The following ITIH2 variants were observed in gnomAD, a reference collection of about 807,000 sequenced individuals.
The protein encoded by ITIH2 is inter-alpha-trypsin inhibitor heavy chain 2.
In ITIH2, 103 loss-of-function variants were observed where a neutral mutation model predicts 104.4. That is an observed-to-expected ratio of 0.99 (90% CI 0.84 to 1.16). The LOEUF (loss-of-function observed/expected upper bound fraction) is 1.16, where lower values mean the gene tolerates loss of function less well. Ranked by LOEUF, ITIH2 falls within the 50% of genes most tolerant of loss-of-function variation. ITIH2 has a pLI of 0.00. For synonymous variants in ITIH2, 436 were observed against 435.4 expected (o/e 1.00, Z -0.02); for missense variants, 1,108 against 1,162.4 (o/e 0.95, Z 0.68).
chr10:7,743,123 C>T (rs775411093), intron 16 of ITIH2, 23 bp from the exon 17 acceptor site: 13 of 1,080,100 alleles, frequency 1.2e-5, no homozygotes, highest in South Asian at 4.3e-5. Context: ...ATTTTGTTTA[C>T]GTTTTCTTTG....
At chr10:7,721,974 G>A (rs1588454482) in intron 8 of ITIH2, among the ~76,000 whole-genome samples, 197 bp downstream of exon 8, 1 of 151,978 alleles carries the variant, frequency 6.6e-6, no homozygotes, top group East Asian at 1.9e-4. Context: ...AAATGAATAG[G>A]GTCTCATGCT....
rs1234015036 is a variant in ITIH2 at position 7,715,381 on chromosome 10, A to G, written c.467+2096A>G. ...GGTTGCAGTGAGTCGACATTGTGCCACTGCATTCCAGCCTGGTGACAGAGC... is the reference window on the plus strand; with the variant it reads ...GGTTGCAGTGAGTCGACATTGTGCCGCTGCATTCCAGCCTGGTGACAGAGC... On this transcript the variant is annotated intron_variant, in intron 5 of 20. Coordinates refer to ENST00000358415, the MANE Select transcript of ITIH2 (RefSeq NM_002216.3). 3.3e-5 allele frequency among the ~76,000 whole-genome samples: 5 copies of G among 152,230 alleles called. No homozygotes were observed. The East Asian group carries it at 9.7e-4, about 29-fold the overall frequency.
chr10:7,703,370 T>C lies in ITIH2; in HGVS notation c.-65T>C, dbSNP rs1400704039. 4.7e-6 allele frequency: 5 copies of C among 1,067,182 alleles called. No individual in the cohort carries two copies. Among genetic ancestry groups the C allele is most frequent in the African/African-American group, 3.1e-5 (2 of 63,976 alleles). The allele number at this position is 1,067,182 out of a possible 1,614,324, so 66.1% of individuals were successfully genotyped here. A position where few individuals can be genotyped will look rare whatever the true frequency, so the allele number is the denominator to read the frequency against. On this transcript the variant is annotated 5_prime_UTR_variant, in exon 1 of 21. Transcript: ENST00000358415. The stretch of plus-strand genomic sequence containing the variant: ...TGCTGTTCCTTTGAACTTGGTTCAG[T>C]AGGAAGAAGTGATATCCTCCCCAGA...
At chr10:7,743,420 C>G (rs1835145764) in intron 17 of ITIH2, among the ~76,000 whole-genome samples, 161 bp downstream of exon 17, 1 of 151,900 alleles carries the variant, frequency 6.6e-6, no homozygotes, top group African/African-American at 2.4e-5. Context: ...TATTTTGAAC[C>G]ATTATAGTTC....
intron 4 of ITIH2, 100 bp downstream of exon 4, chr10:7,709,291 A>C (rs1834774987): frequency 9.4e-7 from 1 of 1,068,446 alleles, no homozygotes; most frequent in African/African-American, 1.6e-5. Flanking sequence ...ACTGTCCCAG[A>C]GGACCGGCTG....
At chr10:7,727,935 A>G (rs1834967020) in intron 11 of ITIH2, 107 bp downstream of exon 11, 64 of 1,273,982 alleles carry the variant, frequency 5.0e-5, no homozygotes, top group Non-Finnish European at 6.8e-5. Context: ...GAGTTTCTAG[A>G]ACATTTTAAA....
intron 15 of ITIH2, among the ~76,000 whole-genome samples, chr10:7,736,440 G>C (rs1434265111): frequency 6.6e-6 from 1 of 151,972 alleles, no homozygotes; most frequent in Non-Finnish European, 1.5e-5. Flanking sequence ...TTGCCCAGCA[G>C]AACTATATCC....
Position 7,717,712 on chromosome 10 carries a change from A to G in ITIH2, c.554A>G (p.Glu185Gly). 6.2e-7 allele frequency: 1 copy of G among 1,613,146 alleles called. No homozygotes were observed. The highest frequency in any genetic ancestry group is 8.5e-7 in the Non-Finnish European group (1 of 1,179,610). ...GTGCAGTTCGAACTTCACTACCAGG[A>G]GGTGAAGTGGAGGAAGCTGGGCTCC... ...AKVQFELHYQ[E>G]VKWRKLGSYE... Residue 185 changes from glutamate to glycine, a missense_variant, in exon 6 of 21, where the codon GAG becomes GGG. Glu to Gly is a moderately conservative substitution (Grantham distance 98, BLOSUM62 -2). Coordinates refer to ENST00000358415, the MANE Select transcript of ITIH2 (RefSeq NM_002216.3).
intron 15 of ITIH2, among the ~76,000 whole-genome samples, chr10:7,735,674 C>CTTTTTT (rs35122608): frequency 1.3e-4 from 17 of 130,536 alleles, no homozygotes; most frequent in African/African-American, 2.4e-4. Flanking sequence ...CTTTTCTTTT[C>CTTTTTT]TTTTTTTTTT....
At chr10:7,711,708 G>A (rs1834798361) in intron 4 of ITIH2, among the ~76,000 whole-genome samples, 1 of 152,136 alleles carries the variant, frequency 6.6e-6, no homozygotes, top group Admixed American at 6.5e-5. Context: ...CGTGCTGTTG[G>A]CATTTGGGGC....
chr10:7,720,822 T>C (rs1473611434), intron 6 of ITIH2, 34 bp from the exon 7 acceptor site: 1 of 1,312,232 alleles, frequency 7.6e-7, no homozygotes, highest in Non-Finnish European at 1.1e-6. Context: ...TAAAGACTTT[T>C]AATGCTTTGG....
chr10:7,749,354 T>TTA lies in ITIH2; in HGVS notation c.*28_*29dup, dbSNP rs773868397. 2 of 1,590,954 alleles carry TTA rather than the reference T, an allele frequency of 1.3e-6. No homozygotes were observed. Among genetic ancestry groups the TTA allele is most frequent in the South Asian group, 2.2e-5 (2 of 90,112 alleles). On this transcript the variant is annotated 3_prime_UTR_variant, in exon 21 of 21. Transcript: ENST00000358415. ...CCTTAAAGGTTTATAGTTTGGGAAATTATATATATTAATATACATCTTTCC... is the reference window on the plus strand; with the variant it reads ...CCTTAAAGGTTTATAGTTTGGGAAATTATATATATATTAATATACATCTTTCC...
rs778103865 is a variant in ITIH2 at position 7,727,833 on chromosome 10, G to A, written c.1279+5G>A. On this transcript the variant is annotated splice_donor_5th_base_variant and intron_variant, in intron 11 of 20. Coordinates refer to ENST00000358415, the MANE Select transcript of ITIH2 (RefSeq NM_002216.3). ...CTGATGGAGATCCAACAGTGGGCAA[G>A]TGTCACTTCAACCTTCTCACGACAA... 4 of 1,614,180 alleles carry A rather than the reference G, an allele frequency of 2.5e-6. No individual in the cohort carries two copies. Among genetic ancestry groups the A allele is most frequent in the Non-Finnish European group, 3.4e-6 (4 of 1,179,990 alleles).
intron 15 of ITIH2, among the ~76,000 whole-genome samples, chr10:7,735,862 G>A (rs1835050836): frequency 2.0e-5 from 3 of 151,594 alleles, no homozygotes; most frequent in African/African-American, 2.4e-5. Flanking sequence ...TAGTAGAGAC[G>A]GGGTTTTACC....
At chr10:7,722,275 G>A (rs1367168771) in intron 8 of ITIH2, among the ~76,000 whole-genome samples, 7 of 151,706 alleles carry the variant, frequency 4.6e-5, no homozygotes, top group Non-Finnish European at 8.8e-5. Context: ...CTCTTAGAAC[G>A]TACGCAAACT....
In ITIH2 at chr10:7,707,215, A is replaced by C. The variant is rs1253908357; in HGVS notation, c.174A>C (p.Gly58=). ...ENRRYQRSLP[G]ESEEMMEEVD... ...TCCTTTCACAGAGAAGCCTTCCAGG[A>C]GAATCGGAAGAAATGATGGTAAGTT... The change falls in exon 3 of 21, where the codon GGA becomes GGC. Residue 58 remains glycine (G), a synonymous_variant. Coordinates refer to ENST00000358415, the MANE Select transcript of ITIH2 (RefSeq NM_002216.3). The C allele has an allele frequency of 6.2e-7, 1 of 1,603,872 alleles. No individual in the cohort carries two copies. The highest frequency in any genetic ancestry group is 8.5e-7 in the Non-Finnish European group (1 of 1,172,108).
intron 3 of ITIH2, among the ~76,000 whole-genome samples, chr10:7,708,002 A>C (rs781247796): frequency 2.6e-5 from 4 of 152,252 alleles, no homozygotes; most frequent in Non-Finnish European, 5.9e-5. Flanking sequence ...AAACAGCCTG[A>C]GGACAAGTGG....
At chr10:7,711,055 C>T (rs559950703) in intron 4 of ITIH2, among the ~76,000 whole-genome samples, 18 of 152,154 alleles carry the variant, frequency 1.2e-4, no homozygotes, top group African/African-American at 3.4e-4. Context: ...GCCCCACATG[C>T]GTTAGCTGTT....
chr10:7,738,329 G>A (rs1049031464), intron 15 of ITIH2, among the ~76,000 whole-genome samples: 4 of 132,210 alleles, frequency 3.0e-5, no homozygotes, highest in Non-Finnish European at 6.4e-5. Context: ...CCTTCTCCCA[G>A]ACTTCGCTCC....
Sources: allele counts gnomAD v4.1 joint callset (sites outside exome capture counted in the v4.1 genomes callset), GRCh38; gene constraint gnomAD v4.1.1; transcripts MANE v1.5; gene names NCBI Gene and HGNC (gene_info 2026-07-23, HGNC 2026-07-21).